The following SV2B variants were observed in gnomAD, a reference collection of about 807,000 sequenced individuals.
SV2B encodes the protein solute carrier family 22 member B2.
In SV2B, 41 loss-of-function variants were observed where a neutral mutation model predicts 73.9. The ratio of observed to expected loss-of-function variants is 0.56; its 90% CI spans 0.43 to 0.72. The LOEUF (loss-of-function observed/expected upper bound fraction) is 0.72, where lower values mean the gene tolerates loss of function less well. Among genes scored for constraint, SV2B ranks in the 30% least tolerant of loss-of-function variants. SV2B has a pLI of 0.00. For synonymous variants in SV2B, 314 were observed against 314.2 expected (o/e 1.00, Z 0.01); for missense variants, 764 against 857.8 (o/e 0.89, Z 1.37).
At position 91,129,082 on chromosome 15, in the gene SV2B, T is replaced by G. The variant is rs1188411504; in HGVS notation, c.-392+28719T>G. On this transcript the variant is annotated intron_variant, in intron 1 of 12. Transcript: ENST00000394232. This position sits in a 1 kb window ranked among gnomAD's most constrained non-coding sequence, Gnocchi z 5.1. ...AGCCCTTGGCCCCTACATGGCCACA[T>G]GTAAGTCTTATGTCCTGCTGCCTTT... Among the ~76,000 whole-genome samples the G allele has an allele frequency of 6.6e-6, 1 of 152,228 alleles. No individual in the cohort carries two copies. The highest frequency in any genetic ancestry group is 1.5e-5 in the Non-Finnish European group (1 of 68,036).
intron 1 of SV2B, among the ~76,000 whole-genome samples, chr15:91,103,329 A>C (rs900707718): frequency 2.0e-5 from 3 of 152,158 alleles, no homozygotes; most frequent in Admixed American, 1.3e-4. Flanking sequence ...TCTTAGTATT[A>C]TGATTTTTTG....
chr15:91,176,946 T>G (rs557918138), intron 1 of SV2B, among the ~76,000 whole-genome samples: 1 of 152,328 alleles, frequency 6.6e-6, no homozygotes, highest in South Asian at 2.1e-4. Context: ...TTTTGGCATT[T>G]TAGACATGAA....
intron 1 of SV2B, among the ~76,000 whole-genome samples, chr15:91,156,525 T>C (rs1181955481): frequency 1.3e-5 from 2 of 152,132 alleles, no homozygotes; most frequent in African/African-American, 4.8e-5. Flanking sequence ...GCCAAGGGTA[T>C]GGTAATGGGA....
In SV2B at chr15:91,226,079, A is replaced by G; in HGVS notation, c.-185A>G. The G allele has an allele frequency of 1.6e-6, 1 of 624,760 alleles. No homozygotes were observed. Among genetic ancestry groups the G allele is most frequent in the Non-Finnish European group, 2.7e-6 (1 of 366,498 alleles). 38.7% of individuals were successfully genotyped at this position (624,760 alleles called of 1,614,324 possible). ...AAAAGGATATTTAGGTTGTCTTTGC[A>G]CAAATCTGGTTGATTTGAGAGATAA... is the stretch of plus-strand genomic sequence containing the variant. On this transcript the variant is annotated 5_prime_UTR_variant, in exon 2 of 13. Coordinates refer to ENST00000394232, the MANE Select transcript of SV2B (RefSeq NM_001323032.3).
chr15:91,279,874 A>G (rs1476606431), intron 9 of SV2B, among the ~76,000 whole-genome samples: 1 of 152,226 alleles, frequency 6.6e-6, no homozygotes, highest in Admixed American at 6.5e-5. Context: ...CTCACCAATT[A>G]GTTTTCCCAT....
intron 1 of SV2B, among the ~76,000 whole-genome samples, chr15:91,187,653 A>AGGT (rs1420361798): frequency 2.9e-5 from 4 of 136,864 alleles, no homozygotes; most frequent in African/African-American, 1.1e-4. Context: ...ATTCAATTTT[A>AGGT]TGTTTTGTTT....
Position 91,229,146 on chromosome 15 carries a change from T to C in SV2B, c.451+2432T>C, listed in dbSNP as rs560120395. Reference sequence around the variant, plus strand: ...GCTCTCTGTGTCATCAAGCACCTCATAGATTACTTGGAACACCAGACTGCT... The same window carrying C: ...GCTCTCTGTGTCATCAAGCACCTCACAGATTACTTGGAACACCAGACTGCT... On this transcript the variant is annotated intron_variant, in intron 2 of 12. Coordinates refer to ENST00000394232, the MANE Select transcript of SV2B (RefSeq NM_001323032.3). This position sits in a 1 kb window ranked among gnomAD's most constrained non-coding sequence, Gnocchi z 4.3. Among the ~76,000 whole-genome samples, 6 of 152,314 alleles carry C rather than the reference T, an allele frequency of 3.9e-5. No individual in the cohort carries two copies. The highest frequency in any genetic ancestry group is 1.2e-4 in the African/African-American group (5 of 41,572).
chr15:91,299,609 A>C lies in SV2B; in HGVS notation c.*7057A>C, dbSNP rs1017321873. On this transcript the variant is annotated 3_prime_UTR_variant, in exon 13 of 13. Coordinates refer to ENST00000394232, the MANE Select transcript of SV2B (RefSeq NM_001323032.3). The stretch of plus-strand genomic sequence containing the variant: ...TGCTTACCAGTAGGTTTAATAGAAG[A>C]TTTCTGAAAGGTAGCGCAAGTTTTT... 1.1e-4 allele frequency: 16 copies of C among 152,064 alleles called. No individual in the cohort carries two copies. The highest frequency in any genetic ancestry group is 3.9e-4 in the African/African-American group (16 of 41,402). 9.4% of individuals were successfully genotyped at this position (152,064 alleles called of 1,614,324 possible). A position where few individuals can be genotyped will look rare whatever the true frequency, so the allele number is the denominator to read the frequency against.
chr15:91,191,880 A>G (rs116516135), intron 1 of SV2B, among the ~76,000 whole-genome samples: 1,726 of 152,256 alleles, frequency 0.011, 40 homozygotes, highest in African/African-American at 0.04. Flanking sequence ...TTTGAAAAAC[A>G]TTTTACACAT....
chr15:91,128,076 C>T lies in SV2B; in HGVS notation c.-392+27713C>T, dbSNP rs930334604. On this transcript the variant is annotated intron_variant, in intron 1 of 12. Transcript: ENST00000394232. The surrounding 1 kb of genome is among the most constrained non-coding windows in gnomAD (Gnocchi z 4.2). ...ATATACCTGTGAAAGCTCTTATTATCATTGTCACGTTCATCCCAGGGACTC... is the reference window on the plus strand; with the variant it reads ...ATATACCTGTGAAAGCTCTTATTATTATTGTCACGTTCATCCCAGGGACTC... Among the ~76,000 whole-genome samples, 3 of 152,190 alleles carry T rather than the reference C, an allele frequency of 2.0e-5. No homozygotes were observed. The South Asian group carries it at 6.2e-4, about 31-fold the overall frequency.
At chr15:91,226,917 A>G (rs112015287) in intron 2 of SV2B, among the ~76,000 whole-genome samples, 5 of 152,292 alleles carry the variant, frequency 3.3e-5, no homozygotes, top group South Asian at 2.1e-4. Context: ...ATTGAGGTCT[A>G]TCTGACTTCT....
Position 91,110,324 on chromosome 15 carries a change from G to C in SV2B, c.-392+9961G>C, listed in dbSNP as rs2042002146. On this transcript the variant is annotated intron_variant, in intron 1 of 12. Coordinates refer to ENST00000394232, the MANE Select transcript of SV2B (RefSeq NM_001323032.3). This position sits in a 1 kb window ranked among gnomAD's most constrained non-coding sequence, Gnocchi z 5.4. ...TAAGTTTGTATGAGAGGCCAAGAGA[G>C]AACAGGAAAACGGGGTGTGGGTCCC... 6.6e-6 allele frequency among the ~76,000 whole-genome samples: 1 copy of C among 152,170 alleles called. No individual in the cohort carries two copies. Among genetic ancestry groups the C allele is most frequent in the Non-Finnish European group, 1.5e-5 (1 of 68,032 alleles).
intron 1 of SV2B, among the ~76,000 whole-genome samples, chr15:91,188,676 G>A (rs552143186): frequency 2.0e-5 from 3 of 152,040 alleles, no homozygotes; most frequent in South Asian, 2.1e-4. Context: ...CTTAGGGCCC[G>A]CTTTTTTTGA....
At chr15:91,263,136 A>G (rs1020046628) in intron 6 of SV2B, among the ~76,000 whole-genome samples, 3 of 152,204 alleles carry the variant, frequency 2.0e-5, no homozygotes, top group Non-Finnish European at 1.5e-5. Context: ...AGACACACAG[A>G]CACAGGGACA....
chr15:91,278,054 T>C (rs565522214), intron 9 of SV2B, among the ~76,000 whole-genome samples: 2 of 152,290 alleles, frequency 1.3e-5, no homozygotes, highest in South Asian at 2.1e-4. Flanking sequence ...TTGGTTGACG[T>C]TGGCACCAGG....
chr15:91,147,382 T>C (rs7498036), intron 1 of SV2B, among the ~76,000 whole-genome samples: 114,997 of 152,080 alleles, frequency 0.76, 43,947 homozygotes, highest in African/African-American at 0.85. Flanking sequence ...CTTGCCCAGA[T>C]GTGCCATGCA....
rs1340174460 is a variant in SV2B at position 91,139,512 on chromosome 15, G to C, written c.-392+39149G>C. Among the ~76,000 whole-genome samples the C allele has an allele frequency of 6.6e-6, 1 of 152,058 alleles. No individual in the cohort carries two copies. The highest frequency in any genetic ancestry group is 2.4e-5 in the African/African-American group (1 of 41,396). On this transcript the variant is annotated intron_variant, in intron 1 of 12. Transcript: ENST00000394232. The surrounding 1 kb of genome is among the most constrained non-coding windows in gnomAD (Gnocchi z 5.2). ...AGTAGCACCCAGAACAGAAAAGCAG[G>C]GTGAGGGCAAACACCGCTATCAATG...
At chr15:91,134,772 A>T (rs997269196) in intron 1 of SV2B, among the ~76,000 whole-genome samples, 6 of 152,184 alleles carry the variant, frequency 3.9e-5, no homozygotes, top group African/African-American at 1.4e-4. Context: ...TTCTTTAAAA[A>T]GCAAACAACC....
intron 1 of SV2B, among the ~76,000 whole-genome samples, chr15:91,107,487 A>G (rs1488257288): frequency 6.6e-6 from 1 of 151,642 alleles, no homozygotes; most frequent in Non-Finnish European, 1.5e-5. Context: ...TAATTTTTGT[A>G]TTTTTAGTAG....
Sources: gnomAD v4.1 joint callset for allele counts (sites outside exome capture counted in the v4.1 genomes callset) on GRCh38, gnomAD v4.1.1 for gene constraint, Gnocchi (gnomAD v3.1) non-coding constraint, MANE v1.5 for transcripts, NCBI Gene and HGNC (gene_info 2026-07-23, HGNC 2026-07-21) for gene names.